ENPP6: variants seen among roughly 807,000 people sequenced by gnomAD.
ENPP6 encodes ectonucleotide pyrophosphatase/phosphodiesterase 6.
ENPP6 carries 32 observed loss-of-function variants against 42.0 expected under a neutral mutation model. That is an observed-to-expected ratio of 0.76 (90% CI 0.58 to 1.02). The LOEUF (loss-of-function observed/expected upper bound fraction) is 1.02, where lower values mean the gene tolerates loss of function less well. Ranked by LOEUF, ENPP6 falls within the 50% of genes least tolerant of loss-of-function variation. The probability of loss-of-function intolerance (pLI) is 0.00; values close to 1 mark genes in which losing one functional copy is unlikely to be tolerated. For missense variants in ENPP6, 552 were observed against 566.8 expected, an observed-to-expected ratio of 0.97 and a Z score of 0.27; for synonymous variants, 213 against 216.0, an observed-to-expected ratio of 0.99 and a Z score of 0.12.
chr4:184,114,241 C>G (rs181336278), intron 5 of ENPP6, among the ~76,000 whole-genome samples: 8 of 152,098 alleles, frequency 5.3e-5, no homozygotes, highest in Admixed American at 2.0e-4. Context: ...GCTGGGATTA[C>G]AGGCGTCAGC....
chr4:184,165,939 T>C (rs1374901472), intron 1 of ENPP6, among the ~76,000 whole-genome samples: 1 of 152,198 alleles, frequency 6.6e-6, no homozygotes, highest in Admixed American at 6.5e-5. Context: ...CATTTGGAGG[T>C]GTAAAGATTA....
At chr4:184,212,293 CA>C (rs1426032272) in intron 1 of ENPP6, among the ~76,000 whole-genome samples, 3 of 150,972 alleles carry the variant, frequency 2.0e-5, no homozygotes, top group Non-Finnish European at 4.4e-5. Context: ...AAGAGGAAGT[CA>C]AATTGTCCCT....
intron 7 of ENPP6, 45 bp downstream of exon 7, chr4:184,097,200 C>A: frequency 1.9e-6 from 3 of 1,611,924 alleles, no homozygotes; most frequent in Non-Finnish European, 2.5e-6. Context: ...ACAGACACTT[C>A]CTTGGGAATG....
intron 1 of ENPP6, among the ~76,000 whole-genome samples, chr4:184,209,517 A>G (rs990261945): frequency 2.6e-5 from 4 of 152,022 alleles, no homozygotes; most frequent in African/African-American, 7.3e-5. Context: ...GAAATGAAGC[A>G]AGAAGGGAAG....
intron 1 of ENPP6, among the ~76,000 whole-genome samples, chr4:184,192,995 G>A (rs1458672943): frequency 1.3e-5 from 2 of 152,186 alleles, no homozygotes; most frequent in East Asian, 3.8e-4. Context: ...ACAAGTGTTG[G>A]TGAGGTTGTG....
chr4:184,134,191 C>A (rs1736691244), intron 2 of ENPP6, among the ~76,000 whole-genome samples: 1 of 149,414 alleles, frequency 6.7e-6, no homozygotes, highest in Non-Finnish European at 1.5e-5. Flanking sequence ...GTTGGCCAGG[C>A]CAGTCTTGAA....
At chr4:184,112,356 G>A (rs1736207817) in intron 6 of ENPP6, among the ~76,000 whole-genome samples, 1 of 152,138 alleles carries the variant, frequency 6.6e-6, no homozygotes, top group African/African-American at 2.4e-5. Context: ...CAATTGCTTT[G>A]GTTCACAGTA....
At chr4:184,212,482 A>G (rs1733127966) in intron 1 of ENPP6, among the ~76,000 whole-genome samples, 4 of 150,716 alleles carry the variant, frequency 2.7e-5, no homozygotes, top group Admixed American at 1.3e-4. Context: ...GTGAACTCCC[A>G]TTCACAATTG....
At chr4:184,131,242 TTCTTTCTTTC>T (rs1736621066) in intron 2 of ENPP6, among the ~76,000 whole-genome samples, 4 of 36,936 alleles carry the variant, frequency 1.1e-4, no homozygotes, top group African/African-American at 5.0e-4. Flanking sequence ...TTCCTTTTCT[TTCTTTCTTTC>T]TCTTTCTCTT....
intron 2 of ENPP6, among the ~76,000 whole-genome samples, chr4:184,150,343 G>T (rs1039557612): frequency 6.6e-6 from 1 of 152,070 alleles, no homozygotes; most frequent in African/African-American, 2.4e-5. Flanking sequence ...TTGACTTAAT[G>T]GCGAAACTCA....
At chr4:184,101,303 CTTGTGTGTGTGTGT>C (rs1274323328) in intron 6 of ENPP6, among the ~76,000 whole-genome samples, 18 of 89,636 alleles carry the variant, frequency 2.0e-4, no homozygotes, top group African/African-American at 6.2e-4. Flanking sequence ...TGTGTGTGAG[CTTGTGTGTGTGTGT>C]GTGTGTGTGT....
Position 184,217,709 on chromosome 4 carries a change from G to C in ENPP6, c.111C>G (p.Asp37Glu), listed in dbSNP as rs1435993404. 6.2e-7 allele frequency: 1 copy of C among 1,614,104 alleles called. No individual in the cohort carries two copies. Among genetic ancestry groups the C allele is most frequent in the Non-Finnish European group, 8.5e-7 (1 of 1,180,058 alleles). The change falls in exon 1 of 8, where the codon GAC (aspartate) becomes GAG (glutamate). Residue 37 changes from aspartate (D) to glutamate (E), a missense_variant. Around this residue, in one of 2 missense-constraint regions of ENPP6, gnomAD observed 545 missense variants for 546.3 expected, o/e 1.00. Transcript: ENST00000296741. Reference protein sequence around the residue: ...LVFLLDGFRSDYISDEALESL... With the variant: ...LVFLLDGFRSEYISDEALESL... ...ACTCCAGCGCCTCATCACTGATGTA[G>C]TCTGAGCGAAAACCATCCAGCAGAA... is the stretch of plus-strand genomic sequence containing the variant.
At chr4:184,124,102 C>T (rs1223478475) in intron 3 of ENPP6, 59 bp downstream of exon 3, 1 of 1,341,624 alleles carries the variant, frequency 7.5e-7, no homozygotes, top group East Asian at 2.3e-5. Context: ...ACTTTAGGAT[C>T]CATGATCAGT....
At chr4:184,131,034 G>T (rs1490309136) in intron 2 of ENPP6, among the ~76,000 whole-genome samples, 1 of 152,126 alleles carries the variant, frequency 6.6e-6, no homozygotes, top group Non-Finnish European at 1.5e-5. Context: ...TAGGATACAC[G>T]CATTAAGAGA....
At chr4:184,100,885 C>T (rs1396526953) in intron 6 of ENPP6, among the ~76,000 whole-genome samples, 5 of 152,154 alleles carry the variant, frequency 3.3e-5, no homozygotes, top group South Asian at 2.1e-4. Flanking sequence ...CTTCTGGGGT[C>T]GGGGCCACAG....
chr4:184,131,520 A>ATTTTTTTTTT (rs58927070), intron 2 of ENPP6, among the ~76,000 whole-genome samples: 1 of 136,714 alleles, frequency 7.3e-6, no homozygotes, highest in Middle Eastern at 3.4e-3. Context: ...TGCCCAGCTA[A>ATTTTTTTTTT]TTTTTTTTTT....
chr4:184,107,293 G>C (rs761967042), intron 6 of ENPP6, among the ~76,000 whole-genome samples: 1 of 152,214 alleles, frequency 6.6e-6, no homozygotes, highest in Non-Finnish European at 1.5e-5. Flanking sequence ...CTGGGGTGAC[G>C]GGCTCAGGCT....
intron 2 of ENPP6, among the ~76,000 whole-genome samples, chr4:184,131,447 G>A (rs1173229934): frequency 1.3e-5 from 2 of 150,876 alleles, no homozygotes; most frequent in African/African-American, 4.9e-5. Flanking sequence ...TCTGCTCCTG[G>A]GTTCAAGCGA....
chr4:184,154,347 C>G (rs1737117247), intron 1 of ENPP6, among the ~76,000 whole-genome samples: 1 of 152,188 alleles, frequency 6.6e-6, no homozygotes, highest in South Asian at 2.1e-4. Flanking sequence ...TCCCAGAAGA[C>G]AAGCCAGAAG....
Sources: gnomAD v4.1 joint callset for allele counts (sites outside exome capture counted in the v4.1 genomes callset) on GRCh38, gnomAD v4.1.1 for gene constraint, gnomAD v4.1.1 regional missense constraint, MANE v1.5 for transcripts, NCBI Gene and HGNC (gene_info 2026-07-23, HGNC 2026-07-21) for gene names.